Variants in EFHC2 observed in about 807,000 individuals in gnomAD.
The protein encoded by EFHC2 is EF-hand domain-containing family member C2.
A neutral mutation model predicts 52.7 loss-of-function variants in EFHC2; 18 were observed. The observed-to-expected ratio is 0.34, with a 90% CI of 0.24 to 0.51. The LOEUF is 0.51. Among genes scored for constraint, EFHC2 ranks in the 20% least tolerant of loss-of-function variants. The pLI is 0.97. For synonymous variants in EFHC2, 203 were observed against 204.1 expected (o/e 0.99, Z 0.04); for missense variants, 513 against 562.5 (o/e 0.91, Z 0.89).
chrX:44,200,814 C>G (rs910807803), intron 11 of EFHC2, among the ~76,000 whole-genome samples: 1 of 111,409 alleles, frequency 9.0e-6, no homozygotes, highest in African/African-American at 3.3e-5. Context: ...ACACCAAAAA[C>G]AAAGAAAGAC....
intron 11 of EFHC2, among the ~76,000 whole-genome samples, chrX:44,186,058 T>C (rs1038395290): frequency 1.8e-5 from 2 of 111,744 alleles, no homozygotes; most frequent in Non-Finnish European, 3.8e-5. Context: ...TATAATACTA[T>C]GGTTTTTCCT....
At chrX:44,316,684 A>C (rs1469459984) in intron 1 of EFHC2, among the ~76,000 whole-genome samples, 2 of 108,095 alleles carry the variant, frequency 1.9e-5, no homozygotes, top group Admixed American at 1.9e-4. Context: ...GTGAGATGTC[A>C]TTTCTAAAAA....
chrX:44,298,860 CAAAAAAAAAAAA>C (rs34701706), intron 2 of EFHC2, among the ~76,000 whole-genome samples: 1 of 22,713 alleles, frequency 4.4e-5, no homozygotes, highest in Non-Finnish European at 9.2e-5. Context: ...GACTCTGTCT[CAAAAAAAAAAAA>C]AAAAAAAAAA....
chrX:44,194,784 G>A, intron 11 of EFHC2, among the ~76,000 whole-genome samples: 1 of 111,398 alleles, frequency 9.0e-6, no homozygotes, highest in Non-Finnish European at 1.9e-5. Flanking sequence ...CTTAGGGAGG[G>A]AGTGTGCAAC....
chrX:44,173,355 G>C (rs1223267351), intron 13 of EFHC2, among the ~76,000 whole-genome samples: 1 of 111,946 alleles, frequency 8.9e-6, no homozygotes. Flanking sequence ...GTGCCATAAG[G>C]AGGGCTGTGC....
At chrX:44,290,290 A>G (rs1267974162) in intron 2 of EFHC2, among the ~76,000 whole-genome samples, 1 of 111,214 alleles carries the variant, frequency 9.0e-6, no homozygotes, top group Admixed American at 9.6e-5. Flanking sequence ...TTCTTCAGCA[A>G]TCTCCCTTTG....
At chrX:44,171,383 C>A (rs934684771) in intron 13 of EFHC2, among the ~76,000 whole-genome samples, 1 of 111,474 alleles carries the variant, frequency 9.0e-6, no homozygotes. Context: ...TGAAGAGGAG[C>A]CTTCTTCTCC....
At chrX:44,280,425 A>G (rs1301724195) in intron 2 of EFHC2, among the ~76,000 whole-genome samples, 1 of 112,212 alleles carries the variant, frequency 8.9e-6, no homozygotes, top group East Asian at 2.8e-4. Flanking sequence ...CAACAGCCTA[A>G]ATATCTAACA....
At chrX:44,259,130 A>G (rs1256457987) in intron 4 of EFHC2, among the ~76,000 whole-genome samples, 5 of 111,964 alleles carry the variant, frequency 4.5e-5, no homozygotes, top group Non-Finnish European at 7.5e-5. Context: ...CACAATAGCA[A>G]AGACTTGGAA....
intron 11 of EFHC2, among the ~76,000 whole-genome samples, chrX:44,180,930 CAAA>C (rs34704656): frequency 2.3e-5 from 2 of 86,226 alleles, no homozygotes; most frequent in African/African-American, 4.3e-5. Context: ...CCATCTCTAC[CAAA>C]AAAAAAAAAA....
At chrX:44,164,048 T>C in intron 13 of EFHC2, 21 bp from the exon 14 acceptor site, 2 of 1,009,497 alleles carry the variant, frequency 2.0e-6, no homozygotes, top group African/African-American at 1.9e-5. Context: ...AATTATAATA[T>C]ATAATTTGAC....
In EFHC2 at chrX:44,292,124, TTA is replaced by T. The variant is rs762579821; in HGVS notation, c.232-19290_232-19289del. Among the ~76,000 whole-genome samples, 825 of 111,421 alleles carry T rather than the reference TTA, an allele frequency of 7.4e-3. 6 individuals are homozygous for T. Among genetic ancestry groups the T allele is most frequent in the Middle Eastern group, 0.014 (3 of 213 alleles). On this transcript the variant is annotated intron_variant, in intron 2 of 14. Coordinates refer to ENST00000420999, the MANE Select transcript of EFHC2 (RefSeq NM_025184.4). The stretch of plus-strand genomic sequence containing the variant: ...AGAAAAACACCTACCATATAAAAAA[TTA>T]TATATATGTGTGTTTTTTTGTGTGT...
At chrX:44,181,764 G>T (rs2036837183) in intron 11 of EFHC2, among the ~76,000 whole-genome samples, 1 of 112,682 alleles carries the variant, frequency 8.9e-6, no homozygotes, top group Non-Finnish European at 1.9e-5. Context: ...GTTCCTGCAC[G>T]AGGGATCTCA....
chrX:44,330,995 TGTAA>T (rs1332127478), intron 1 of EFHC2, among the ~76,000 whole-genome samples: 2 of 112,390 alleles, frequency 1.8e-5, no homozygotes, highest in African/African-American at 6.5e-5. Context: ...AAATTAAACA[TGTAA>T]GTATCAAATA....
intron 4 of EFHC2, among the ~76,000 whole-genome samples, chrX:44,251,624 A>G (rs868044464): frequency 1.5e-4 from 12 of 78,087 alleles, no homozygotes; most frequent in East Asian, 3.6e-4. Flanking sequence ...AAAAAAAAAA[A>G]AAAAAAAAAA....
chrX:44,228,696 C>A (rs923715187), intron 11 of EFHC2, among the ~76,000 whole-genome samples: 6 of 111,617 alleles, frequency 5.4e-5, no homozygotes, highest in Non-Finnish European at 9.4e-5. Flanking sequence ...ACACTCTGGG[C>A]CTAATGGTGG....
At chrX:44,170,632 AG>A (rs1279209475) in intron 13 of EFHC2, among the ~76,000 whole-genome samples, 1 of 110,432 alleles carries the variant, frequency 9.1e-6, no homozygotes, top group Non-Finnish European at 1.9e-5. Flanking sequence ...AATCTGGAAA[AG>A]CCTATGAATC....
intron 11 of EFHC2, among the ~76,000 whole-genome samples, chrX:44,191,171 C>G (rs752884745): frequency 9.0e-6 from 1 of 111,665 alleles, no homozygotes; most frequent in East Asian, 2.8e-4. Flanking sequence ...TGATTTAACC[C>G]ATCACTACCA....
intron 11 of EFHC2, among the ~76,000 whole-genome samples, chrX:44,223,050 T>G (rs1285782719): frequency 1.8e-5 from 2 of 112,126 alleles, no homozygotes; most frequent in African/African-American, 6.5e-5. Context: ...TTAAATAGCC[T>G]TTCTATATTT....
Sources: gnomAD v4.1 joint callset for allele counts (sites outside exome capture counted in the v4.1 genomes callset) on GRCh38, gnomAD v4.1.1 for gene constraint, MANE v1.5 for transcripts, NCBI Gene and HGNC (gene_info 2026-07-23, HGNC 2026-07-21) for gene names.